The following ATF7 variants were observed in gnomAD, a reference collection of about 807,000 sequenced individuals.
ATF7 encodes activating transcription factor 7.
ATF7 carries 10 observed loss-of-function variants against 50.4 expected under a neutral mutation model. The observed-to-expected ratio is 0.20, with a 90% CI of 0.12 to 0.34. The LOEUF (loss-of-function observed/expected upper bound fraction) is 0.34. Among genes scored for constraint, ATF7 ranks in the 10% least tolerant of loss-of-function variants. The pLI is 1.00. For missense variants in ATF7, 465 were observed against 613.9 expected, an observed-to-expected ratio of 0.76 and a Z score of 2.56; for synonymous variants, 201 against 226.4, an observed-to-expected ratio of 0.89 and a Z score of 1.01.
At chr12:53,535,693 G>T (rs1565929952) in intron 5 of ATF7, among the ~76,000 whole-genome samples, 1 of 152,044 alleles carries the variant, frequency 6.6e-6, no homozygotes, top group Non-Finnish European at 1.5e-5. Flanking sequence ...CCTTTAAAAA[G>T]AATAATCATC....
chr12:53,520,099 C>T (rs536500860), intron 11 of ATF7, among the ~76,000 whole-genome samples: 2 of 152,250 alleles, frequency 1.3e-5, no homozygotes, highest in African/African-American at 2.4e-5. Context: ...TTACAGAATA[C>T]CACATTTGGC....
At chr12:53,558,763 T>C (rs1227503820) in intron 2 of ATF7, among the ~76,000 whole-genome samples, 1 of 152,178 alleles carries the variant, frequency 6.6e-6, no homozygotes, top group Non-Finnish European at 1.5e-5. Context: ...CTAAGAAGCA[T>C]AAAATAGAAT....
chr12:53,599,946 A>G (rs1943322015), intron 2 of ATF7, among the ~76,000 whole-genome samples: 1 of 152,142 alleles, frequency 6.6e-6, no homozygotes, highest in Non-Finnish European at 1.5e-5. Context: ...AGAAGATGCA[A>G]AATGAAAAAA....
chr12:53,537,670 T>C, intron 4 of ATF7, 118 bp from the exon 5 acceptor site: 2 of 1,112,646 alleles, frequency 1.8e-6, no homozygotes, highest in Non-Finnish European at 2.5e-6. Context: ...TCTTATACAA[T>C]GCACTGAACT....
intron 1 of ATF7, among the ~76,000 whole-genome samples, chr12:53,615,611 C>T (rs3852552): frequency 0.16 from 24,180 of 152,136 alleles, 1,980 homozygotes; most frequent in East Asian, 0.25. Flanking sequence ...CGATGGCTCA[C>T]ACCAGTAATC....
intron 2 of ATF7, among the ~76,000 whole-genome samples, chr12:53,562,051 TTTGGGAAGGC>T (rs1193368659): frequency 2.0e-5 from 3 of 152,202 alleles, no homozygotes; most frequent in Non-Finnish European, 4.4e-5. Context: ...AATTTTCTGT[TTTGGGAAGGC>T]TGTTGGAATA....
chr12:53,593,357 G>A (rs1165336990), intron 2 of ATF7, among the ~76,000 whole-genome samples: 8 of 151,970 alleles, frequency 5.3e-5, no homozygotes, highest in African/African-American at 1.9e-4. Flanking sequence ...TTGCACCACT[G>A]TACTCCAGCC....
At chr12:53,597,372 A>G (rs1419559248) in intron 2 of ATF7, among the ~76,000 whole-genome samples, 1 of 152,218 alleles carries the variant, frequency 6.6e-6, no homozygotes, top group Admixed American at 6.5e-5. Context: ...ATAATCCACT[A>G]GTCTATTCTG....
At chr12:53,596,692 T>C (rs1260928140) in intron 2 of ATF7, among the ~76,000 whole-genome samples, 1 of 152,198 alleles carries the variant, frequency 6.6e-6, no homozygotes, top group Non-Finnish European at 1.5e-5. Context: ...AGAGACATAG[T>C]ATTTATTCCC....
chr12:53,572,964 T>C (rs1941855686), intron 2 of ATF7, among the ~76,000 whole-genome samples: 1 of 151,752 alleles, frequency 6.6e-6, no homozygotes, highest in Non-Finnish European at 1.5e-5. Flanking sequence ...TTTGTGTTTT[T>C]AGTAGAGACG....
chr12:53,604,533 G>C (rs546299824), intron 1 of ATF7, among the ~76,000 whole-genome samples: 5 of 152,092 alleles, frequency 3.3e-5, no homozygotes. Context: ...TCTAAACCTC[G>C]TGTGATATTA....
chr12:53,520,080 T>A (rs1415224777), intron 11 of ATF7, among the ~76,000 whole-genome samples: 1 of 152,208 alleles, frequency 6.6e-6, no homozygotes. Context: ...AACACTTTTT[T>A]ATTTTGATTT....
chr12:53,534,255 C>G (rs182964385), intron 6 of ATF7, among the ~76,000 whole-genome samples: 2 of 151,782 alleles, frequency 1.3e-5, no homozygotes, highest in Non-Finnish European at 2.9e-5. Flanking sequence ...CCAGCCTGGG[C>G]GACAGAGCGA....
chr12:53,600,024 A>G (rs1162998327), intron 2 of ATF7, among the ~76,000 whole-genome samples: 1 of 152,226 alleles, frequency 6.6e-6, no homozygotes, highest in Non-Finnish European at 1.5e-5. Context: ...CAATATACAC[A>G]TATGAATATA....
chr12:53,580,038 C>T (rs1163250570), intron 2 of ATF7, among the ~76,000 whole-genome samples: 3 of 151,966 alleles, frequency 2.0e-5, no homozygotes, highest in African/African-American at 7.2e-5. Flanking sequence ...TCAAGCGATC[C>T]TCCTGCCTCA....
rs1939009928 is a variant in ATF7 at position 53,533,199 on chromosome 12, C to T, written c.621G>A (p.Val207=). ...MHLANGQTMP[V]LPGPPVQMPS... is the part of the protein sequence containing the mutation. The stretch of plus-strand genomic sequence containing the variant: ...GCATCTGTACTGGAGGCCCTGGCAA[C>T]ACAGGCATGGTCTGTCCATTAGCAA... Residue 207 remains valine (V), a synonymous_variant, in exon 7 of 12, where the codon GTG becomes GTA. Transcript: ENST00000420353. 2 of 1,613,910 alleles carry T rather than the reference C, an allele frequency of 1.2e-6. No individual in the cohort carries two copies. The highest frequency in any genetic ancestry group is 1.7e-6 in the Non-Finnish European group (2 of 1,179,826).
At chr12:53,584,970 C>A (rs923844558) in intron 2 of ATF7, among the ~76,000 whole-genome samples, 1 of 151,982 alleles carries the variant, frequency 6.6e-6, no homozygotes, top group Non-Finnish European at 1.5e-5. Context: ...ATGGTGGATA[C>A]GTGTCATTTT....
At chr12:53,620,207 G>C (rs1356453461) in intron 1 of ATF7, among the ~76,000 whole-genome samples, 3 of 152,114 alleles carry the variant, frequency 2.0e-5, no homozygotes, top group Non-Finnish European at 2.9e-5. Context: ...GGGAGGCCGA[G>C]GTAGGTGGAT....
chr12:53,529,698 T>TACACACACACACAC (rs1938734680), intron 9 of ATF7, among the ~76,000 whole-genome samples: 1 of 98,262 alleles, frequency 1.0e-5, no homozygotes, highest in African/African-American at 4.1e-5. Context: ...TAAATACATA[T>TACACACACACACAC]ATATATACAC....
Sources: allele counts gnomAD v4.1 joint callset (sites outside exome capture counted in the v4.1 genomes callset), GRCh38; gene constraint gnomAD v4.1.1; transcripts MANE v1.5; gene names NCBI Gene and HGNC (gene_info 2026-07-23, HGNC 2026-07-21).